Variants in PTPRK observed in about 807,000 individuals in gnomAD.
PTPRK encodes protein tyrosine phosphatase receptor type K.
In PTPRK, 75 loss-of-function variants were observed where a neutral mutation model predicts 178.0. That is an observed-to-expected ratio of 0.42 (90% CI 0.35 to 0.51). PTPRK has a LOEUF of 0.51. Ranked by LOEUF, PTPRK falls within the 20% of genes least tolerant of loss-of-function variation. The pLI is 0.02. For synonymous variants in PTPRK, 637 were observed against 620.6 expected (o/e 1.03, Z -0.39); for missense variants, 1,441 against 1,797.8 (o/e 0.80, Z 3.59).
chr6:128,415,245 C>T (rs757700034), intron 1 of PTPRK, among the ~76,000 whole-genome samples: 3 of 152,034 alleles, frequency 2.0e-5, no homozygotes, highest in Non-Finnish European at 4.4e-5. Flanking sequence ...AATTCTCCAA[C>T]GGCAAGAATT....
chr6:128,360,359 T>C (rs1477251790), intron 2 of PTPRK, among the ~76,000 whole-genome samples: 3 of 152,332 alleles, frequency 2.0e-5, no homozygotes, highest in Non-Finnish European at 4.4e-5. Context: ...ACACTAATGT[T>C]CTTAAAATCA....
intron 13 of PTPRK, among the ~76,000 whole-genome samples, chr6:128,028,817 T>G (rs1010938033): frequency 5.9e-5 from 9 of 152,224 alleles, no homozygotes; most frequent in African/African-American, 1.9e-4. Flanking sequence ...ACAATTTTTT[T>G]GTTGATATGA....
Position 128,089,917 on chromosome 6 carries a change from A to G in PTPRK, c.1238T>C (p.Leu413Ser), listed in dbSNP as rs1786629809. The G allele has an allele frequency of 2.5e-6, 4 of 1,612,332 alleles. No individual in the cohort carries two copies. Among genetic ancestry groups the G allele is most frequent in the Non-Finnish European group, 3.4e-6 (4 of 1,178,318 alleles). Reference protein sequence around the residue: ...ARRIAVDWESLGYNITRCHTF... With the variant: ...ARRIAVDWESSGYNITRCHTF... ...GTGGCAACGCGTAATGTTGTAACCC[A>G]AGGATTCCCAGTCCACAGCAATCCG... Residue 413 changes from leucine (L) to serine (S), a missense_variant, in exon 8 of 30, where the codon TTG becomes TCG. Physicochemically the swap from Leu to Ser is moderately radical, Grantham distance 145. Transcript: ENST00000368226.
At chr6:128,505,392 G>A (rs1856180837) in intron 1 of PTPRK, among the ~76,000 whole-genome samples, 1 of 151,774 alleles carries the variant, frequency 6.6e-6, no homozygotes, top group South Asian at 2.1e-4. Context: ...AGTGAGCTGA[G>A]ATCGTGCCAT....
intron 2 of PTPRK, among the ~76,000 whole-genome samples, chr6:128,383,068 G>T (rs1838173800): frequency 6.6e-6 from 1 of 152,116 alleles, no homozygotes; most frequent in South Asian, 2.1e-4. Flanking sequence ...TCAATTTTGA[G>T]TCAAAGAGAA....
intron 1 of PTPRK, among the ~76,000 whole-genome samples, chr6:128,481,489 T>C (rs1852072406): frequency 6.6e-6 from 1 of 152,162 alleles, no homozygotes; most frequent in Non-Finnish European, 1.5e-5. Flanking sequence ...ACTCACTCTT[T>C]AAGTGACCAA....
At chr6:128,145,369 T>A (rs1208579877) in intron 7 of PTPRK, among the ~76,000 whole-genome samples, 1 of 152,098 alleles carries the variant, frequency 6.6e-6, no homozygotes, top group African/African-American at 2.4e-5. Flanking sequence ...GGTACATGAG[T>A]ATATTCTTAT....
At chr6:128,476,201 A>C (rs1851352215) in intron 1 of PTPRK, among the ~76,000 whole-genome samples, 2 of 152,004 alleles carry the variant, frequency 1.3e-5, no homozygotes, top group South Asian at 4.1e-4. Flanking sequence ...GCCTATGTCC[A>C]TCATTTTTAC....
chr6:128,213,646 T>C (rs923940592), intron 6 of PTPRK, among the ~76,000 whole-genome samples: 1 of 152,054 alleles, frequency 6.6e-6, no homozygotes, highest in African/African-American at 2.4e-5. Context: ...GGAAACTAGT[T>C]AAAAATCAAT....
Position 128,376,266 on chromosome 6 carries a change from C to T in PTPRK, c.223+21300G>A, listed in dbSNP as rs540951912. On this transcript the variant is annotated intron_variant, in intron 2 of 29. Coordinates refer to ENST00000368226, the MANE Select transcript of PTPRK (RefSeq NM_002844.4). ...TCCTGGATATCCAGGCATTTCCATACAGCCTCTGAAATCTAACTGGAGGTT... is the reference window on the plus strand; with the variant it reads ...TCCTGGATATCCAGGCATTTCCATATAGCCTCTGAAATCTAACTGGAGGTT... Among the ~76,000 whole-genome samples the T allele has an allele frequency of 7.2e-5, 11 of 152,310 alleles. No homozygotes were observed. The South Asian group carries it at 2.3e-3, about 32-fold the overall frequency.
At chr6:128,117,584 C>A (rs1791748258) in intron 7 of PTPRK, among the ~76,000 whole-genome samples, 1 of 152,114 alleles carries the variant, frequency 6.6e-6, no homozygotes, top group Non-Finnish European at 1.5e-5. Flanking sequence ...CAGCTTAATT[C>A]ATTTTTATCA....
intron 22 of PTPRK, among the ~76,000 whole-genome samples, chr6:127,985,178 T>G (rs1775802884): frequency 6.6e-6 from 1 of 152,204 alleles, no homozygotes; most frequent in Non-Finnish European, 1.5e-5. Context: ...GAAGAAAGTC[T>G]GGATATAATG....
At chr6:128,362,209 C>T (rs903777095) in intron 2 of PTPRK, among the ~76,000 whole-genome samples, 7 of 152,044 alleles carry the variant, frequency 4.6e-5, no homozygotes, top group African/African-American at 9.7e-5. Context: ...AAAGGGGAAG[C>T]GGGCATTTTA....
At chr6:128,342,291 C>T (rs1041680681) in intron 2 of PTPRK, among the ~76,000 whole-genome samples, 8 of 151,924 alleles carry the variant, frequency 5.3e-5, no homozygotes, top group African/African-American at 1.9e-4. Flanking sequence ...GAAAATAGAT[C>T]CTAGGTTTCA....
intron 2 of PTPRK, among the ~76,000 whole-genome samples, chr6:128,368,921 A>C (rs1201517746): frequency 2.7e-5 from 4 of 148,208 alleles, no homozygotes; most frequent in African/African-American, 9.8e-5. Context: ...TCTATTTAAA[A>C]AAACAAAACA....
chr6:128,510,899 A>C (rs1857082894), intron 1 of PTPRK, among the ~76,000 whole-genome samples: 1 of 152,004 alleles, frequency 6.6e-6, no homozygotes, highest in African/African-American at 2.4e-5. Flanking sequence ...ATACATATAT[A>C]GTAAGAACAC....
intron 2 of PTPRK, among the ~76,000 whole-genome samples, chr6:128,354,966 A>G (rs529699268): frequency 2.0e-5 from 3 of 152,350 alleles, no homozygotes; most frequent in African/African-American, 7.2e-5. Context: ...TATTTCATCA[A>G]CAAATATTTT....
At chr6:128,148,757 AT>A (rs1796849318) in intron 7 of PTPRK, among the ~76,000 whole-genome samples, 1 of 152,144 alleles carries the variant, frequency 6.6e-6, no homozygotes, top group Non-Finnish European at 1.5e-5. Flanking sequence ...CTTTTAAAAC[AT>A]TTTAGAGTTA....
chr6:128,180,557 T>TA (rs1236617107), intron 7 of PTPRK, among the ~76,000 whole-genome samples: 1 of 152,002 alleles, frequency 6.6e-6, no homozygotes. Flanking sequence ...CTGAAGCAAC[T>TA]AATTGCAGTT....
Sources: allele counts gnomAD v4.1 joint callset (sites outside exome capture counted in the v4.1 genomes callset), GRCh38; gene constraint gnomAD v4.1.1; transcripts MANE v1.5; gene names NCBI Gene and HGNC (gene_info 2026-07-23, HGNC 2026-07-21).